The following PLD5 variants were observed in gnomAD, a reference collection of about 807,000 sequenced individuals.
PLD5 encodes the protein phospholipase D family member 5.
A neutral mutation model predicts 61.1 loss-of-function variants in PLD5; 36 were observed. That is an observed-to-expected ratio of 0.59 (90% CI 0.45 to 0.78). The LOEUF (loss-of-function observed/expected upper bound fraction) is 0.78. PLD5 is among the 30% of genes least tolerant of loss of function. The pLI is 0.00. For missense variants in PLD5, 515 were observed against 644.4 expected, an observed-to-expected ratio of 0.80 and a Z score of 2.17; for synonymous variants, 243 against 242.8, an observed-to-expected ratio of 1.00 and a Z score of -0.01.
intron 5 of PLD5, among the ~76,000 whole-genome samples, chr1:242,216,958 C>T (rs1670248647): frequency 6.6e-6 from 1 of 152,350 alleles, no homozygotes; most frequent in South Asian, 2.1e-4. Context: ...TAAATCAACT[C>T]TGCCTGTGCT....
intron 1 of PLD5, among the ~76,000 whole-genome samples, chr1:242,474,287 G>A (rs1667524381): frequency 1.3e-5 from 2 of 152,182 alleles, no homozygotes; most frequent in South Asian, 4.1e-4. Flanking sequence ...ACGTCAGCAT[G>A]TGTAACAGAA....
At chr1:242,119,322 C>A (rs527924098) in intron 6 of PLD5, among the ~76,000 whole-genome samples, 4 of 152,104 alleles carry the variant, frequency 2.6e-5, no homozygotes, top group South Asian at 2.1e-4. Flanking sequence ...TATGAAAAGA[C>A]AACCCATGGA....
chr1:242,107,497 C>T (rs1661154541), intron 8 of PLD5, among the ~76,000 whole-genome samples, 174 bp downstream of exon 8: 3 of 35,606 alleles, frequency 8.4e-5, no homozygotes, highest in South Asian at 2.3e-3. Flanking sequence ...GAAACATGAG[C>T]TCTACTCTTT....
At chr1:242,320,182 A>G (rs1475239862) in intron 2 of PLD5, among the ~76,000 whole-genome samples, 4 of 123,486 alleles carry the variant, frequency 3.2e-5, no homozygotes, top group African/African-American at 1.4e-4. Context: ...TATAAATACA[A>G]AAAAATTAAC....
intron 5 of PLD5, among the ~76,000 whole-genome samples, chr1:242,165,094 C>T (rs746474807): frequency 1.3e-5 from 2 of 151,944 alleles, no homozygotes; most frequent in Non-Finnish European, 2.9e-5. Flanking sequence ...AATAGCTTCC[C>T]ACCTCTCCCC....
chr1:242,283,611 A>T (rs1382582230), intron 3 of PLD5, among the ~76,000 whole-genome samples: 1 of 152,224 alleles, frequency 6.6e-6, no homozygotes, highest in Admixed American at 6.5e-5. Context: ...TATCACACGT[A>T]TCTGTGAAGG....
chr1:242,130,056 T>TC (rs1221243978), intron 5 of PLD5, among the ~76,000 whole-genome samples: 1 of 146,368 alleles, frequency 6.8e-6, no homozygotes, highest in African/African-American at 2.5e-5. Flanking sequence ...ATGAACATCT[T>TC]TTTTTTTTTT....
chr1:242,250,270 A>C (rs1242324782), intron 4 of PLD5, among the ~76,000 whole-genome samples: 4 of 152,204 alleles, frequency 2.6e-5, no homozygotes, highest in African/African-American at 9.7e-5. Context: ...TATTCAACTA[A>C]CATTTATTTA....
chr1:242,493,838 G>A (rs1341400839), intron 1 of PLD5, among the ~76,000 whole-genome samples: 4 of 152,170 alleles, frequency 2.6e-5, no homozygotes, highest in Non-Finnish European at 5.9e-5. Context: ...ATAACATGAA[G>A]GACTGGAAAT....
At chr1:242,154,040 G>T (rs1368109082) in intron 5 of PLD5, among the ~76,000 whole-genome samples, 2 of 152,104 alleles carry the variant, frequency 1.3e-5, no homozygotes, top group African/African-American at 4.8e-5. Context: ...GTGGTTTGTA[G>T]TTCTCCTTGA....
intron 1 of PLD5, among the ~76,000 whole-genome samples, chr1:242,382,133 A>C (rs1301934348): frequency 6.6e-6 from 1 of 151,478 alleles, no homozygotes; most frequent in Non-Finnish European, 1.5e-5. Context: ...GACAGCAAAA[A>C]AAAAAACAAA....
intron 5 of PLD5, among the ~76,000 whole-genome samples, chr1:242,216,261 C>CA (rs1056747182): frequency 9.2e-5 from 14 of 151,752 alleles, no homozygotes; most frequent in Non-Finnish European, 1.6e-4. Flanking sequence ...GAACCCAATG[C>CA]AAAAAACAGA....
chr1:242,182,501 G>A (rs1188454978), intron 5 of PLD5, among the ~76,000 whole-genome samples: 2 of 152,026 alleles, frequency 1.3e-5, no homozygotes, highest in African/African-American at 2.4e-5. Flanking sequence ...CTTTGTGATG[G>A]TCTTTGTTCC....
intron 5 of PLD5, among the ~76,000 whole-genome samples, chr1:242,214,384 C>G (rs1413180450): frequency 1.3e-5 from 2 of 152,124 alleles, no homozygotes. Flanking sequence ...CTTGAGAGAG[C>G]CCTAATTAAG....
intron 5 of PLD5, among the ~76,000 whole-genome samples, chr1:242,190,138 CTTTTTTTTTTTT>C (rs902616187): frequency 4.0e-5 from 3 of 74,382 alleles, no homozygotes; most frequent in Admixed American, 4.2e-4. Context: ...GACAGGACTC[CTTTTTTTTTTTT>C]TTTTTTTTTT....
intron 1 of PLD5, among the ~76,000 whole-genome samples, chr1:242,383,998 C>A (rs1241445493): frequency 3.9e-5 from 6 of 152,208 alleles, no homozygotes; most frequent in Admixed American, 3.9e-4. Context: ...AGAGCACTTG[C>A]ATTGCTAGAG....
At chr1:242,505,516 A>G (rs1404660966) in intron 1 of PLD5, among the ~76,000 whole-genome samples, 1 of 152,220 alleles carries the variant, frequency 6.6e-6, no homozygotes, top group Non-Finnish European at 1.5e-5. Flanking sequence ...ATAAGGATGC[A>G]TTTCTCAGGG....
At chr1:242,459,263 G>A (rs1667038044) in intron 1 of PLD5, among the ~76,000 whole-genome samples, 1 of 152,200 alleles carries the variant, frequency 6.6e-6, no homozygotes, top group Non-Finnish European at 1.5e-5. Flanking sequence ...ACAAGGAAGT[G>A]AAGATAATTT....
At position 242,173,118 on chromosome 1, in the gene PLD5, C is replaced by T. The variant is rs575561681; in HGVS notation, c.735+46870G>A. On this transcript the variant is annotated intron_variant, in intron 5 of 9. Coordinates refer to ENST00000536534, the MANE Select transcript of PLD5 (RefSeq NM_001372062.1). ...AGGAAAAGAGGAAGTCAAATTGTCCCTGTTTGCAGATGACATGATTGTATA... is the reference window on the plus strand; with the variant it reads ...AGGAAAAGAGGAAGTCAAATTGTCCTTGTTTGCAGATGACATGATTGTATA... 1.2e-4 allele frequency among the ~76,000 whole-genome samples: 19 copies of T among 152,232 alleles called. No individual in the cohort carries two copies. In the East Asian group the frequency reaches 2.3e-3, roughly 19 times the overall value.
Sources: gnomAD v4.1 joint callset for allele counts (sites outside exome capture counted in the v4.1 genomes callset) on GRCh38, gnomAD v4.1.1 for gene constraint, MANE v1.5 for transcripts, NCBI Gene and HGNC (gene_info 2026-07-23, HGNC 2026-07-21) for gene names.